MRPL42: variants seen among roughly 807,000 people sequenced by gnomAD.
The protein encoded by MRPL42 is mitochondrial ribosomal protein L42.
Under a neutral mutation model 17.9 loss-of-function variants are expected in MRPL42, and 17 were observed. That is an observed-to-expected ratio of 0.95 (90% confidence interval 0.65 to 1.42). MRPL42 has a LOEUF of 1.42. Among genes scored for constraint, MRPL42 ranks in the 40% most tolerant of loss-of-function variants. The pLI is 0.00. For synonymous variants in MRPL42, 59 were observed against 54.4 expected (o/e 1.08, Z -0.37); for missense variants, 177 against 175.2 (o/e 1.01, Z -0.06).
chr12:93,477,086 T>G, intron 3 of MRPL42, 69 bp downstream of exon 3: 1 of 1,141,734 alleles, frequency 8.8e-7, no homozygotes. Context: ...ATTTTATTTC[T>G]TGTTTTGATG....
intron 5 of MRPL42, chr12:93,487,959 G>C (rs938752677): frequency 1.6e-5 from 4 of 246,850 alleles, no homozygotes; most frequent in Non-Finnish European, 2.9e-5. Flanking sequence ...ACCACACCTG[G>C]CTAATTTTGT....
At chr12:93,487,783 A>T in intron 5 of MRPL42, 123 bp downstream of exon 5, 1 of 884,958 alleles carries the variant, frequency 1.1e-6, no homozygotes. Context: ...AAGTAGAATC[A>T]CCTACTATGT....
chr12:93,483,700 T>C (rs887873800), intron 4 of MRPL42, among the ~76,000 whole-genome samples: 5 of 152,200 alleles, frequency 3.3e-5, no homozygotes, highest in African/African-American at 1.2e-4. Context: ...ACAAACACTG[T>C]ATGCTTAGGC....
chr12:93,489,939 T>A (rs370116722), intron 5 of MRPL42, among the ~76,000 whole-genome samples: 2 of 152,254 alleles, frequency 1.3e-5, no homozygotes, highest in Admixed American at 1.3e-4. Context: ...TAGGAAACCA[T>A]CTCATAGCCC....
At chr12:93,487,453 A>G in intron 4 of MRPL42, 44 bp from the exon 5 acceptor site, 1 of 1,543,808 alleles carries the variant, frequency 6.5e-7, no homozygotes, top group South Asian at 1.2e-5. Flanking sequence ...ATGCTGGCTA[A>G]CATTCCCACA....
At chr12:93,495,260 T>A (rs1953476579) in intron 5 of MRPL42, among the ~76,000 whole-genome samples, 3 of 152,202 alleles carry the variant, frequency 2.0e-5, no homozygotes, top group Non-Finnish European at 4.4e-5. Flanking sequence ...GCTCAAATGA[T>A]GTGTTCTAGG....
intron 5 of MRPL42, among the ~76,000 whole-genome samples, chr12:93,494,263 A>G (rs1161207746): frequency 6.6e-6 from 1 of 152,214 alleles, no homozygotes; most frequent in Non-Finnish European, 1.5e-5. Context: ...TACGCTACAA[A>G]CAGACTGCAG....
At chr12:93,483,214 C>G (rs527640502) in intron 4 of MRPL42, among the ~76,000 whole-genome samples, 5 of 152,294 alleles carry the variant, frequency 3.3e-5, no homozygotes, top group African/African-American at 1.2e-4. Context: ...GTTTTTGTGA[C>G]AAGGATCTGG....
At chr12:93,468,309 G>T (rs527443139) in intron 1 of MRPL42, among the ~76,000 whole-genome samples, 1 of 35,824 alleles carries the variant, frequency 2.8e-5, no homozygotes, top group Admixed American at 2.7e-4. Context: ...ATCACTATTG[G>T]GGGGAAGGGC....
At position 93,504,372 on chromosome 12, in the gene MRPL42, C is replaced by G. The variant is rs1028603987; in HGVS notation, c.*3151C>G. On this transcript the variant is annotated 3_prime_UTR_variant, in exon 6 of 6. Transcript: ENST00000549982. ...GTCAGGCTGGTCTCGAACTCCTGAC[C>G]TCAAGTGTCCACACACCTTGGCCTC... 1.3e-5 allele frequency: 2 copies of G among 152,466 alleles called. No homozygotes were observed. The highest frequency in any genetic ancestry group is 4.8e-5 in the African/African-American group (2 of 41,434). The allele number at this position is 152,466 out of a possible 1,614,324, so 9.4% of individuals were successfully genotyped here. A position where few individuals can be genotyped will look rare whatever the true frequency, so the allele number is the denominator to read the frequency against.
At chr12:93,487,864 T>G in intron 5 of MRPL42, 2 of 447,848 alleles carry the variant, frequency 4.5e-6, no homozygotes, top group South Asian at 6.7e-5. Context: ...TGCCACAATC[T>G]CAGCTCACTG....
chr12:93,500,215 C>T (rs981724730), intron 5 of MRPL42, among the ~76,000 whole-genome samples: 2 of 152,090 alleles, frequency 1.3e-5, no homozygotes, highest in South Asian at 4.1e-4. Context: ...TGTGTTCTTC[C>T]TTAATATTTT....
chr12:93,482,583 A>G lies in MRPL42; in HGVS notation c.219+3111A>G, dbSNP rs560078996. ...GAGACATTCACATCAGAAAGCATGGAAAGTTTTTGTTTGTCAAGCAATAAA... is the reference window on the plus strand; with the variant it reads ...GAGACATTCACATCAGAAAGCATGGGAAGTTTTTGTTTGTCAAGCAATAAA... On this transcript the variant is annotated intron_variant, in intron 4 of 5. Coordinates refer to ENST00000549982, the MANE Select transcript of MRPL42 (RefSeq NM_014050.4). 2.1e-3 allele frequency among the ~76,000 whole-genome samples: 315 copies of G among 152,288 alleles called. 1 individual carries two copies. The highest frequency in any genetic ancestry group is 3.6e-3 in the Non-Finnish European group (247 of 68,016).
intron 2 of MRPL42, chr12:93,470,537 G>A (rs1218165597): frequency 7.7e-7 from 1 of 1,294,780 alleles, no homozygotes; most frequent in South Asian, 1.3e-5. Flanking sequence ...CATATACTGA[G>A]GTTTGGGCTT....
At chr12:93,482,778 G>T (rs1260246948) in intron 4 of MRPL42, among the ~76,000 whole-genome samples, 2 of 152,062 alleles carry the variant, frequency 1.3e-5, no homozygotes, top group African/African-American at 4.8e-5. Context: ...TAGAGACAGG[G>T]TCTCACTATG....
intron 1 of MRPL42, among the ~76,000 whole-genome samples, chr12:93,467,971 G>T (rs1368979049): frequency 2.6e-5 from 4 of 152,150 alleles, no homozygotes; most frequent in Admixed American, 2.6e-4. Flanking sequence ...TTTTCTCTGG[G>T]CTTCGGACAG....
In MRPL42 at chr12:93,505,612, T is replaced by C. The variant is rs1011324030; in HGVS notation, c.*4391T>C. Reference sequence around the variant, plus strand: ...AGCTCAGCCATCAGCCTCCTACTATTTTTTAATGTGCTGTTTAACCTTGTG... The same window carrying C: ...AGCTCAGCCATCAGCCTCCTACTATCTTTTAATGTGCTGTTTAACCTTGTG... On this transcript the variant is annotated 3_prime_UTR_variant, in exon 6 of 6. Coordinates refer to ENST00000549982, the MANE Select transcript of MRPL42 (RefSeq NM_014050.4). The C allele has an allele frequency of 6.6e-6, 1 of 152,198 alleles. No homozygotes were observed. Among genetic ancestry groups the C allele is most frequent in the Admixed American group, 6.5e-5 (1 of 15,286 alleles). 9.4% of individuals were successfully genotyped at this position (152,198 alleles called of 1,614,324 possible). A position where few individuals can be genotyped will look rare whatever the true frequency, so the allele number is the denominator to read the frequency against.
At chr12:93,470,486 A>T in intron 2 of MRPL42, 1 of 1,282,192 alleles carries the variant, frequency 7.8e-7, no homozygotes, top group Non-Finnish European at 1.0e-6. Flanking sequence ...TTTATTTTAG[A>T]TTCGGGCGTA....
intron 5 of MRPL42, among the ~76,000 whole-genome samples, chr12:93,494,763 A>G (rs10161215): frequency 0.71 from 108,070 of 152,058 alleles, 38,723 homozygotes; most frequent in African/African-American, 0.77. Context: ...AAAGTGGAGC[A>G]GTCCAAGGAC....
Sources: gnomAD v4.1 joint callset for allele counts (sites outside exome capture counted in the v4.1 genomes callset) on GRCh38, gnomAD v4.1.1 for gene constraint, MANE v1.5 for transcripts, NCBI Gene and HGNC (gene_info 2026-07-23, HGNC 2026-07-21) for gene names.